The following ITGA11 variants were observed in gnomAD, a reference collection of about 807,000 sequenced individuals.
ITGA11 encodes the protein integrin alpha-11.
Under a neutral mutation model 141.9 loss-of-function variants are expected in ITGA11, and 97 were observed. The observed-to-expected ratio is 0.68, with a 90% CI of 0.58 to 0.81. ITGA11 has a LOEUF of 0.81. ITGA11 is among the 30% of genes least tolerant of loss of function. The probability of loss-of-function intolerance (pLI) is 0.00; values close to 1 mark genes in which losing one functional copy is unlikely to be tolerated. For missense variants in ITGA11, 1,387 were observed against 1,559.2 expected (o/e 0.89, Z 1.86); for synonymous variants, 658 against 624.6 (o/e 1.05, Z -0.80).
chr15:68,344,158 G>A (rs945599238), intron 10 of ITGA11, among the ~76,000 whole-genome samples: 7 of 152,084 alleles, frequency 4.6e-5, no homozygotes, highest in Non-Finnish European at 8.8e-5. Context: ...GAGACAACTC[G>A]CAAACCCTTG....
intron 10 of ITGA11, among the ~76,000 whole-genome samples, chr15:68,343,328 T>C (rs1894633030): frequency 2.0e-5 from 3 of 152,150 alleles, no homozygotes; most frequent in South Asian, 4.2e-4. Context: ...GAGTACATAG[T>C]AGGGTTAGGA....
chr15:68,313,411 CA>C (rs1316128839), intron 23 of ITGA11, among the ~76,000 whole-genome samples: 1 of 152,318 alleles, frequency 6.6e-6, no homozygotes, highest in Admixed American at 6.5e-5. Context: ...AATATGATAA[CA>C]AAAAGCAGAT....
rs1894066508 is a variant in ITGA11, at chr15:68,328,845, G to C, written c.1902-583C>G. On this transcript the variant is annotated intron_variant, in intron 15 of 29. Transcript: ENST00000315757. This position sits in a 1 kb window ranked among gnomAD's most constrained non-coding sequence, Gnocchi z 4.8. The stretch of plus-strand genomic sequence containing the variant: ...CCATGGACCACACTTCGAAGAGCGA[G>C]GCGTTAAAGCACCCCAGGTGATTCC... Among the ~76,000 whole-genome samples the C allele has an allele frequency of 2.0e-5, 3 of 152,132 alleles. No individual in the cohort carries two copies. Among genetic ancestry groups the C allele is most frequent in the African/African-American group, 7.2e-5 (3 of 41,400 alleles).
intron 4 of ITGA11, among the ~76,000 whole-genome samples, chr15:68,362,153 ACATGCCATGGCT>A (rs1895263060): frequency 6.6e-6 from 1 of 152,174 alleles, no homozygotes; most frequent in South Asian, 2.1e-4. Flanking sequence ...GGTCCCAAAA[ACATGCCATGGCT>A]CATACTGGGG....
In ITGA11 at chr15:68,302,507, C is replaced by T. The variant is rs1893065159; in HGVS notation, c.*552G>A. 1 of 152,714 alleles carries T rather than the reference C, an allele frequency of 6.5e-6. No individual in the cohort carries two copies. The highest frequency in any genetic ancestry group is 2.4e-5 in the African/African-American group (1 of 41,450). The allele number at this position is 152,714 out of a possible 1,614,324, so 9.5% of individuals were successfully genotyped here. Reference sequence around the variant, plus strand: ...CAGCTGTCACCATCAAGCCCTTGCTCTTGGGTTCATTCTTCGGGAGCCCCA... The same window carrying T: ...CAGCTGTCACCATCAAGCCCTTGCTTTTGGGTTCATTCTTCGGGAGCCCCA... On this transcript the variant is annotated 3_prime_UTR_variant, in exon 30 of 30. Transcript: ENST00000315757.
chr15:68,385,015 C>T (rs753542086), intron 2 of ITGA11, among the ~76,000 whole-genome samples: 28 of 152,230 alleles, frequency 1.8e-4, no homozygotes, highest in Admixed American at 1.1e-3. Flanking sequence ...AGGGCATAGG[C>T]CAGTGTAGGG....
chr15:68,363,095 G>A (rs1440675291), intron 4 of ITGA11, among the ~76,000 whole-genome samples: 3 of 152,192 alleles, frequency 2.0e-5, no homozygotes, highest in African/African-American at 7.2e-5. Flanking sequence ...TGGAAAGATG[G>A]ATGATTACAT....
intron 2 of ITGA11, among the ~76,000 whole-genome samples, chr15:68,382,849 A>G (rs75013796): frequency 0.011 from 1,671 of 152,328 alleles, 36 homozygotes; most frequent in Non-Finnish European, 0.012. Context: ...TCAACAGAAG[A>G]TGACAGAAAC....
intron 2 of ITGA11, among the ~76,000 whole-genome samples, chr15:68,390,178 G>T (rs1896082124): frequency 6.6e-6 from 1 of 152,182 alleles, no homozygotes; most frequent in African/African-American, 2.4e-5. Context: ...GTTGGTGTAT[G>T]GTCAGCTTTG....
chr15:68,377,708 G>A (rs146447747), intron 2 of ITGA11, among the ~76,000 whole-genome samples: 2 of 152,358 alleles, frequency 1.3e-5, no homozygotes, highest in African/African-American at 4.8e-5. Context: ...ATATGTGGTT[G>A]TGTAACATGC....
At chr15:68,310,259 T>C (rs1893337416) in intron 26 of ITGA11, among the ~76,000 whole-genome samples, 1 of 152,190 alleles carries the variant, frequency 6.6e-6, no homozygotes, top group South Asian at 2.1e-4. Flanking sequence ...AAACAAATCT[T>C]CAAACAATTA....
intron 1 of ITGA11, among the ~76,000 whole-genome samples, chr15:68,413,219 C>T (rs1896817004): frequency 6.6e-6 from 1 of 152,196 alleles, no homozygotes; most frequent in East Asian, 1.9e-4. Flanking sequence ...TTGAGAACTG[C>T]TCTGTCGAGT....
chr15:68,307,142 G>A lies in ITGA11; in HGVS notation c.3381+206C>T, dbSNP rs1893225339. Reference sequence around the variant, plus strand: ...AAATTCAGTTCACACCAGACCTCTGGACCTTCCCTAGTGTTGCCCCTGAGG... The same window carrying A: ...AAATTCAGTTCACACCAGACCTCTGAACCTTCCCTAGTGTTGCCCCTGAGG... On this transcript the variant is annotated intron_variant, in intron 28 of 29. Transcript: ENST00000315757. The surrounding 1 kb of genome is among the most constrained non-coding windows in gnomAD (Gnocchi z 6.1). Among the ~76,000 whole-genome samples, 1 of 152,146 alleles carries A rather than the reference G, an allele frequency of 6.6e-6. No individual in the cohort carries two copies. The highest frequency in any genetic ancestry group is 1.5e-5 in the Non-Finnish European group (1 of 68,040).
At chr15:68,429,438 G>C (rs1351627580) in intron 1 of ITGA11, among the ~76,000 whole-genome samples, 1 of 152,206 alleles carries the variant, frequency 6.6e-6, no homozygotes, top group Non-Finnish European at 1.5e-5. Flanking sequence ...CTGGTCAATG[G>C]ATCTCTCTCT....
intron 20 of ITGA11, among the ~76,000 whole-genome samples, chr15:68,318,178 G>A (rs555693258): frequency 4.1e-4 from 63 of 152,244 alleles, no homozygotes; most frequent in African/African-American, 1.4e-3. Flanking sequence ...TGTGAAGGAG[G>A]TAGGCTCCAG....
intron 26 of ITGA11, among the ~76,000 whole-genome samples, chr15:68,310,496 A>C (rs1352518346): frequency 6.6e-6 from 1 of 152,208 alleles, no homozygotes; most frequent in Non-Finnish European, 1.5e-5. Flanking sequence ...GAGAATGCAA[A>C]CTGGAAATGA....
In ITGA11 at chr15:68,326,875, C is replaced by A; in HGVS notation, c.2069-79G>T. ...GACTGTCTGCCTCCTCCAGGAAGCC[C>A]CCCAGGCTGGCCAGGGGAGAGCTGT... is the stretch of plus-strand genomic sequence containing the variant. On this transcript the variant is annotated intron_variant, in intron 16 of 29. Transcript: ENST00000315757. This position sits in a 1 kb window ranked among gnomAD's most constrained non-coding sequence, Gnocchi z 6.8. 1 of 1,469,418 alleles carries A rather than the reference C, an allele frequency of 6.8e-7. No individual in the cohort carries two copies. Among genetic ancestry groups the A allele is most frequent in the Non-Finnish European group, 9.1e-7 (1 of 1,095,254 alleles). The allele number at this position is 1,469,418 out of a possible 1,614,324, so 91.0% of individuals were successfully genotyped here.
At position 68,328,257 on chromosome 15, in the gene ITGA11, C is replaced by T. The variant is rs369766881; in HGVS notation, c.1907G>A (p.Arg636His). Residue 636 changes from arginine (R) to histidine (H), a missense_variant, in exon 16 of 30, where the codon CGC becomes CAC. Arg to His is a conservative substitution (Grantham distance 29). Transcript: ENST00000315757. This position sits in a 1 kb window ranked among gnomAD's most constrained non-coding sequence, Gnocchi z 4.8. ...ALGNAVILWSRPVVQINASLH... is the reference protein window; with the variant it reads ...ALGNAVILWSHPVVQINASLH... ...GCTGGCATTGATCTGAACCACTGGG[C>T]GGGACCTGGAGGAGAAGGGCCAGTG... The T allele has an allele frequency of 8.7e-6, 14 of 1,612,332 alleles. No homozygotes were observed. Among genetic ancestry groups the T allele is most frequent in the African/African-American group, 6.7e-5 (5 of 74,788 alleles).
At chr15:68,310,582 G>A (rs1035807717) in intron 26 of ITGA11, among the ~76,000 whole-genome samples, 3 of 152,220 alleles carry the variant, frequency 2.0e-5, no homozygotes, top group African/African-American at 4.8e-5. Flanking sequence ...CCCAGCTGAC[G>A]CAGCCAAATG....
Sources: allele counts gnomAD v4.1 joint callset (sites outside exome capture counted in the v4.1 genomes callset), GRCh38; gene constraint gnomAD v4.1.1; non-coding constraint Gnocchi (gnomAD v3.1); transcripts MANE v1.5; gene names NCBI Gene and HGNC (gene_info 2026-07-23, HGNC 2026-07-21).